Variants in VWA8 observed in about 807,000 individuals in gnomAD.
The protein encoded by VWA8 is von Willebrand factor A domain-containing protein 8.
Under a neutral mutation model 241.5 loss-of-function variants are expected in VWA8, and 221 were observed. The ratio of observed to expected loss-of-function variants is 0.91; its 90% CI spans 0.82 to 1.02. The LOEUF (loss-of-function observed/expected upper bound fraction) is 1.02. Ranked by LOEUF, VWA8 falls within the 50% of genes least tolerant of loss-of-function variation. VWA8 has a pLI of 0.00. For missense variants in VWA8, 2,322 were observed against 2,328.7 expected, an observed-to-expected ratio of 1.00 and a Z score of 0.06; for synonymous variants, 852 against 827.1, an observed-to-expected ratio of 1.03 and a Z score of -0.52.
intron 17 of VWA8, among the ~76,000 whole-genome samples, chr13:41,788,755 G>T (rs1005757234): frequency 2.6e-5 from 4 of 152,070 alleles, no homozygotes; most frequent in Non-Finnish European, 5.9e-5. Flanking sequence ...AGGCTGGCTT[G>T]GTAACATTAG....
intron 37 of VWA8, among the ~76,000 whole-genome samples, chr13:41,625,308 G>A (rs1016591567): frequency 1.3e-5 from 2 of 151,988 alleles, no homozygotes; most frequent in African/African-American, 4.8e-5. Flanking sequence ...TACAAAATGG[G>A]AGAAAATTTT....
chr13:41,580,059 T>G (rs2044373001), intron 42 of VWA8, among the ~76,000 whole-genome samples: 1 of 151,894 alleles, frequency 6.6e-6, no homozygotes, highest in Non-Finnish European at 1.5e-5. Flanking sequence ...CTTGCTACAT[T>G]GCACATGCTG....
In VWA8 at chr13:41,719,663, A is replaced by G; in HGVS notation, c.3044T>C (p.Ile1015Thr). 1.2e-6 allele frequency: 2 copies of G among 1,613,232 alleles called. No homozygotes were observed. Among genetic ancestry groups the G allele is most frequent in the Non-Finnish European group, 1.7e-6 (2 of 1,179,476 alleles). ...FDSYNNDMRE[I>T]LINTLHKYGI... ...GTATTTGTGTAAAGTGTTAATCAAT[A>G]TCTCCCTCATGTCATTGTTGTAGGA... The change falls in exon 26 of 45, where the codon ATA becomes ACA. Residue 1015 changes from isoleucine to threonine, a missense_variant. Physicochemically the swap from Ile to Thr is moderately conservative, Grantham distance 89. Coordinates refer to ENST00000379310, the MANE Select transcript of VWA8 (RefSeq NM_015058.2).
chr13:41,843,704 A>C (rs1252521671), intron 12 of VWA8, among the ~76,000 whole-genome samples: 1 of 151,662 alleles, frequency 6.6e-6, no homozygotes, highest in Non-Finnish European at 1.5e-5. Flanking sequence ...AATGCCTACT[A>C]TGAACACCTC....
intron 20 of VWA8, among the ~76,000 whole-genome samples, chr13:41,762,249 A>G (rs1387281169): frequency 1.3e-5 from 2 of 152,134 alleles, no homozygotes; most frequent in Non-Finnish European, 2.9e-5. Flanking sequence ...CACTTAACCC[A>G]TACTGTGCCA....
intron 37 of VWA8, among the ~76,000 whole-genome samples, chr13:41,656,129 C>T (rs1265738434): frequency 1.3e-5 from 2 of 152,152 alleles, no homozygotes; most frequent in African/African-American, 2.4e-5. Context: ...AACACATGAA[C>T]TTGTTTCCGA....
At chr13:41,730,866 T>A (rs569014340) in intron 22 of VWA8, among the ~76,000 whole-genome samples, 22 of 151,994 alleles carry the variant, frequency 1.4e-4, no homozygotes, top group African/African-American at 4.8e-4. Flanking sequence ...ACCATATTTT[T>A]AAAAAACTTA....
intron 21 of VWA8, among the ~76,000 whole-genome samples, chr13:41,742,081 C>G (rs1169805642): frequency 6.6e-6 from 1 of 152,148 alleles, no homozygotes; most frequent in Non-Finnish European, 1.5e-5. Context: ...AGGATATAGT[C>G]ACATGGAAGG....
At chr13:41,599,369 T>C (rs1041476135) in intron 40 of VWA8, among the ~76,000 whole-genome samples, 13 of 152,146 alleles carry the variant, frequency 8.5e-5, no homozygotes, top group Non-Finnish European at 2.9e-5. Context: ...ATGTCTTATT[T>C]CACATACTTC....
intron 2 of VWA8, chr13:41,926,813 TA>T: frequency 1.8e-6 from 1 of 558,864 alleles, no homozygotes. Flanking sequence ...TGCCAGAAAC[TA>T]ACCTCTTTGA....
intron 37 of VWA8, among the ~76,000 whole-genome samples, chr13:41,630,524 T>C (rs2044719822): frequency 6.6e-6 from 1 of 151,954 alleles, no homozygotes. Context: ...TTTGAAACTA[T>C]AACCAAAGCC....
chr13:41,958,015 G>C (rs1878426178), intron 1 of VWA8, among the ~76,000 whole-genome samples: 1 of 152,158 alleles, frequency 6.6e-6, no homozygotes, highest in Non-Finnish European at 1.5e-5. Flanking sequence ...ACTCTCTGCA[G>C]TAGATATCCT....
At chr13:41,937,779 C>A (rs972026354) in intron 2 of VWA8, among the ~76,000 whole-genome samples, 1 of 152,046 alleles carries the variant, frequency 6.6e-6, no homozygotes. Context: ...CAGTTTTTGT[C>A]AATTAAAAAA....
chr13:41,824,796 T>C (rs1274988913), intron 14 of VWA8, among the ~76,000 whole-genome samples: 1 of 141,392 alleles, frequency 7.1e-6, no homozygotes, highest in Non-Finnish European at 1.5e-5. Context: ...TCAGCCTGGG[T>C]GAAAGATGAG....
At chr13:41,871,527 TTCC>T (rs1873615259) in intron 9 of VWA8, among the ~76,000 whole-genome samples, 1 of 152,188 alleles carries the variant, frequency 6.6e-6, no homozygotes, top group Non-Finnish European at 1.5e-5. Flanking sequence ...CATTGTTCCA[TTCC>T]CACCTATGAG....
chr13:41,641,033 C>A (rs12862574), intron 37 of VWA8, among the ~76,000 whole-genome samples: 2 of 152,066 alleles, frequency 1.3e-5, no homozygotes, highest in East Asian at 3.8e-4. Flanking sequence ...TCCTGATTTC[C>A]GATAACCACT....
rs1421099491 is a variant in VWA8 at position 41,570,450 on chromosome 13, TG to T, written c.5609+17del. 6.2e-7 allele frequency: 1 copy of T among 1,606,054 alleles called. No individual in the cohort carries two copies. Among genetic ancestry groups the T allele is most frequent in the East Asian group, 2.2e-5 (1 of 44,766 alleles). Reference sequence around the variant, plus strand: ...ATCTCTGTACCTGCCCTTTTCTGTATGCTCAGATGACACTTACCTGGTTGCT... The same window carrying T: ...ATCTCTGTACCTGCCCTTTTCTGTATCTCAGATGACACTTACCTGGTTGCT... On this transcript the variant is annotated intron_variant, in intron 44 of 44. Transcript: ENST00000379310.
chr13:41,691,677 G>GCATGGAATT (rs2045178948), intron 31 of VWA8, among the ~76,000 whole-genome samples, 197 bp downstream of exon 31: 2 of 152,072 alleles, frequency 1.3e-5, no homozygotes, highest in African/African-American at 4.8e-5. Context: ...GTTAGTAGTG[G>GCATGGAATT]CTATGTCATG....
intron 2 of VWA8, among the ~76,000 whole-genome samples, chr13:41,912,392 A>G (rs1167198522): frequency 6.6e-6 from 1 of 152,042 alleles, no homozygotes; most frequent in Non-Finnish European, 1.5e-5. Context: ...TTACAATAAA[A>G]CCATTATTGT....
Sources: gnomAD v4.1 joint callset for allele counts (sites outside exome capture counted in the v4.1 genomes callset) on GRCh38, gnomAD v4.1.1 for gene constraint, MANE v1.5 for transcripts, NCBI Gene and HGNC (gene_info 2026-07-23, HGNC 2026-07-21) for gene names.